CHSY3: variants seen among roughly 807,000 people sequenced by gnomAD.
CHSY3 encodes chondroitin sulfate synthase 3, also known as N-acetylgalactosaminyl-proteoglycan 3-beta-glucuronosyltransferase 3.
A neutral mutation model predicts 67.2 loss-of-function variants in CHSY3; 35 were observed. That is an observed-to-expected ratio of 0.52 (90% CI 0.40 to 0.69). The LOEUF (loss-of-function observed/expected upper bound fraction) is 0.69. Among genes scored for constraint, CHSY3 ranks in the 30% least tolerant of loss-of-function variants. The pLI is 0.00. For synonymous variants in CHSY3, 474 were observed against 434.7 expected (o/e 1.09, Z -1.12); for missense variants, 1,069 against 1,138.5 (o/e 0.94, Z 0.88).
intron 2 of CHSY3, among the ~76,000 whole-genome samples, chr5:130,100,745 G>A (rs1309213901): frequency 6.6e-6 from 1 of 152,118 alleles, no homozygotes; most frequent in African/African-American, 2.4e-5. Context: ...AATGTTACCA[G>A]TCAAAGGAAA....
chr5:129,951,726 G>T (rs936655194), intron 2 of CHSY3, among the ~76,000 whole-genome samples: 1 of 152,110 alleles, frequency 6.6e-6, no homozygotes, highest in Non-Finnish European at 1.5e-5. Flanking sequence ...CATAGAAGCG[G>T]TCTAAACCAT....
In CHSY3 at chr5:130,018,404, C is replaced by A. The variant is rs569635245; in HGVS notation, c.1086+110044C>A. Among the ~76,000 whole-genome samples, 39 of 152,276 alleles carry A rather than the reference C, an allele frequency of 2.6e-4. No individual in the cohort carries two copies. In the South Asian group the frequency reaches 5.0e-3, roughly 19 times the overall value. ...TTAAATTACAATCACCCCTGCATCT[C>A]CAGCTATTTAACGCACTTCATGAAT... On this transcript the variant is annotated intron_variant, in intron 2 of 2. Transcript: ENST00000305031.
chr5:129,956,032 C>G (rs915463732), intron 2 of CHSY3, among the ~76,000 whole-genome samples: 6 of 152,026 alleles, frequency 3.9e-5, no homozygotes, highest in Admixed American at 3.9e-4. Context: ...AATTTATATT[C>G]CTTTGGGTAT....
At chr5:130,176,117 A>C (rs188534057) in intron 2 of CHSY3, among the ~76,000 whole-genome samples, 2 of 152,222 alleles carry the variant, frequency 1.3e-5, no homozygotes, top group African/African-American at 4.8e-5. Context: ...CAAAGGGCTA[A>C]TATCCAGAAT....
chr5:130,111,053 A>G (rs558886339), intron 2 of CHSY3, among the ~76,000 whole-genome samples: 2 of 151,990 alleles, frequency 1.3e-5, no homozygotes, highest in Non-Finnish European at 2.9e-5. Flanking sequence ...TGTTTGTATC[A>G]TTGAAAAAAG....
At chr5:130,009,513 AAG>A (rs1763984607) in intron 2 of CHSY3, among the ~76,000 whole-genome samples, 1 of 151,958 alleles carries the variant, frequency 6.6e-6, no homozygotes. Flanking sequence ...CAAAAAAAAA[AAG>A]AAGAAAGAAA....
At chr5:130,025,484 A>G (rs995628640) in intron 2 of CHSY3, among the ~76,000 whole-genome samples, 4 of 152,118 alleles carry the variant, frequency 2.6e-5, no homozygotes, top group Admixed American at 6.6e-5. Flanking sequence ...CCTATAACAA[A>G]AGAAGCCACG....
chr5:130,000,869 C>T (rs1177445763), intron 2 of CHSY3, among the ~76,000 whole-genome samples: 3 of 147,570 alleles, frequency 2.0e-5, no homozygotes, highest in African/African-American at 7.5e-5. Flanking sequence ...GGGCACAGCA[C>T]CAGCCAGCCT....
intron 2 of CHSY3, among the ~76,000 whole-genome samples, chr5:129,999,656 A>G (rs763952919): frequency 1.3e-5 from 2 of 152,048 alleles, no homozygotes; most frequent in African/African-American, 2.4e-5. Flanking sequence ...TGCTCCAGCT[A>G]CCCTGGAATT....
intron 2 of CHSY3, among the ~76,000 whole-genome samples, chr5:129,964,493 G>A (rs1037187506): frequency 6.6e-6 from 1 of 151,796 alleles, no homozygotes; most frequent in African/African-American, 2.4e-5. Context: ...GCCCAAGTGT[G>A]CATTCAGATA....
At chr5:130,010,554 A>G (rs1012292509) in intron 2 of CHSY3, among the ~76,000 whole-genome samples, 2 of 152,194 alleles carry the variant, frequency 1.3e-5, no homozygotes, top group African/African-American at 4.8e-5. Context: ...AACAGCTAAG[A>G]GCTAACATCA....
chr5:130,157,244 TA>T (rs1769397901), intron 2 of CHSY3, among the ~76,000 whole-genome samples: 1 of 152,236 alleles, frequency 6.6e-6, no homozygotes, highest in South Asian at 2.1e-4. Context: ...ACTGTATTTT[TA>T]AAAGGCCAAA....
intron 2 of CHSY3, among the ~76,000 whole-genome samples, chr5:130,055,901 C>G (rs1033515016): frequency 2.0e-5 from 3 of 152,026 alleles, no homozygotes; most frequent in African/African-American, 7.3e-5. Flanking sequence ...TCACCAATAC[C>G]AAGGGACAAC....
intron 2 of CHSY3, among the ~76,000 whole-genome samples, chr5:130,087,115 A>G (rs1766665049): frequency 6.6e-6 from 1 of 152,174 alleles, no homozygotes; most frequent in South Asian, 2.1e-4. Context: ...AAAGACAAAA[A>G]CCACATGATT....
At chr5:129,942,676 A>G (rs543560347) in intron 2 of CHSY3, among the ~76,000 whole-genome samples, 1 of 152,210 alleles carries the variant, frequency 6.6e-6, no homozygotes, top group South Asian at 2.1e-4. Flanking sequence ...GTTACCTAAT[A>G]TTTCTAAAAG....
At chr5:129,918,619 C>G (rs1429257535) in intron 2 of CHSY3, among the ~76,000 whole-genome samples, 1 of 151,964 alleles carries the variant, frequency 6.6e-6, no homozygotes, top group Non-Finnish European at 1.5e-5. Context: ...AGGGGCAATG[C>G]CAGGTGAGTG....
chr5:130,019,090 G>GT (rs1334752532), intron 2 of CHSY3, among the ~76,000 whole-genome samples: 1 of 151,972 alleles, frequency 6.6e-6, no homozygotes, highest in East Asian at 1.9e-4. Context: ...TAACTACCCA[G>GT]TCTCAGGTAT....
chr5:130,050,588 T>C (rs1765311830), intron 2 of CHSY3, among the ~76,000 whole-genome samples: 1 of 152,132 alleles, frequency 6.6e-6, no homozygotes, highest in African/African-American at 2.4e-5. Context: ...AGCACTCATT[T>C]AGGAAGAAAA....
At chr5:130,124,355 T>C (rs1367737074) in intron 2 of CHSY3, among the ~76,000 whole-genome samples, 3 of 137,126 alleles carry the variant, frequency 2.2e-5, no homozygotes, top group Admixed American at 7.7e-5. Context: ...GAATCAACAG[T>C]AGTTATTTTC....
Sources: gnomAD v4.1 joint callset for allele counts (sites outside exome capture counted in the v4.1 genomes callset) on GRCh38, gnomAD v4.1.1 for gene constraint, MANE v1.5 for transcripts, NCBI Gene and HGNC (gene_info 2026-07-23, HGNC 2026-07-21) for gene names.